EIF2AK2: variants seen among roughly 807,000 people sequenced by gnomAD.
EIF2AK2 encodes interferon-induced, double-stranded RNA-activated protein kinase.
A neutral mutation model predicts 70.5 loss-of-function variants in EIF2AK2; 40 were observed. That is an observed-to-expected ratio of 0.57 (90% CI 0.44 to 0.74). The LOEUF is 0.74. Among genes scored for constraint, EIF2AK2 ranks in the 30% least tolerant of loss-of-function variants. The pLI is 0.00. For missense variants in EIF2AK2, 555 were observed against 644.3 expected (o/e 0.86, Z 1.50); for synonymous variants, 198 against 220.9 (o/e 0.90, Z 0.92).
intron 13 of EIF2AK2, among the ~76,000 whole-genome samples, chr2:37,118,926 C>T (rs904934717): frequency 4.6e-5 from 7 of 152,192 alleles, no homozygotes; most frequent in Non-Finnish European, 8.8e-5. Context: ...AAATAAGGTA[C>T]TTCTGCCTAG....
intron 15 of EIF2AK2, 47 bp from the exon 16 acceptor site, chr2:37,107,574 G>C (rs182855570): frequency 2.0e-5 from 31 of 1,568,458 alleles, no homozygotes; most frequent in Non-Finnish European, 2.6e-5. Context: ...ATTTACTTGG[G>C]AGGAAAGACA....
Position 37,138,291 on chromosome 2 carries a change from T to G in EIF2AK2, c.666A>C (p.Leu222Phe). 1 of 1,613,760 alleles carries G rather than the reference T, an allele frequency of 6.2e-7. No individual in the cohort carries two copies. The highest frequency in any genetic ancestry group is 1.1e-5 in the South Asian group (1 of 91,040). The change falls in exon 8 of 17, where the codon TTA becomes TTC. Residue 222 changes from leucine to phenylalanine, a missense_variant. This residue lies in a region of EIF2AK2 where 208 missense variants were observed against 191.8 expected (regional missense o/e 1.08). Coordinates refer to ENST00000233057, the MANE Select transcript of EIF2AK2 (RefSeq NM_001135651.3). ...TSEINSNSDS[L>F]NSSSLLMNGL... Reference sequence around the variant, plus strand: ...ATACCATAAGCAACGAAGAACTGTTTAAACTGTCACTGTTAGAATTTATCT... The same window carrying G: ...ATACCATAAGCAACGAAGAACTGTTGAAACTGTCACTGTTAGAATTTATCT...
chr2:37,153,337 C>CTCTT lies in EIF2AK2; in HGVS notation c.-184+3570_-184+3571insAAGA, dbSNP rs777537067. ...CCCAGTCCTTTCAGTCTCTGCTAATCTTTTTTTTTTTTTTTTTTTTTGAGA... is the reference window on the plus strand; with the variant it reads ...CCCAGTCCTTTCAGTCTCTGCTAATCTCTTTTTTTTTTTTTTTTTTTTTTTGAGA... On this transcript the variant is annotated intron_variant, in intron 1 of 16. Transcript: ENST00000233057. Among the ~76,000 whole-genome samples the CTCTT allele has an allele frequency of 3.7e-4, 41 of 109,882 alleles. 1 individual carries two copies. Among genetic ancestry groups the CTCTT allele is most frequent in the African/African-American group, 8.9e-4 (27 of 30,258 alleles). The allele number at this position is 109,882 out of a possible 152,430, so 72.1% of individuals were successfully genotyped here.
intron 12 of EIF2AK2, among the ~76,000 whole-genome samples, chr2:37,120,778 C>A (rs1211291006): frequency 6.7e-6 from 1 of 148,736 alleles, no homozygotes; most frequent in Non-Finnish European, 1.5e-5. Flanking sequence ...GCCTGGGCAG[C>A]ATGGCGAAAC....
intron 1 of EIF2AK2, among the ~76,000 whole-genome samples, 177 bp downstream of exon 1, chr2:37,156,731 G>A (rs1286302188): frequency 6.6e-6 from 1 of 152,168 alleles, no homozygotes; most frequent in Non-Finnish European, 1.5e-5. Context: ...CTGCGGACCT[G>A]GGCCTGCTCT....
rs1304155197 is a variant in EIF2AK2, at chr2:37,136,964, A to C, written c.722+19T>G. On this transcript the variant is annotated intron_variant, in intron 9 of 16. Coordinates refer to ENST00000233057, the MANE Select transcript of EIF2AK2 (RefSeq NM_001135651.3). ...TAAAACTTCAGATCAAAATATGTTC[A>C]ATGCATAATGATACTCACCTTTTTG... 1 of 1,594,880 alleles carries C rather than the reference A, an allele frequency of 6.3e-7. No homozygotes were observed. The highest frequency in any genetic ancestry group is 8.5e-7 in the Non-Finnish European group (1 of 1,172,802).
intron 4 of EIF2AK2, among the ~76,000 whole-genome samples, chr2:37,146,081 G>A (rs536343872): frequency 3.0e-4 from 46 of 152,024 alleles, no homozygotes; most frequent in Non-Finnish European, 4.9e-4. Flanking sequence ...TATTTTTACC[G>A]TACTTTTTCT....
rs374454967 is a variant in EIF2AK2 at position 37,137,020 on chromosome 2, A to G, written c.688-3T>C. On this transcript the variant is annotated splice_polypyrimidine_tract_variant and splice_region_variant and intron_variant, in intron 8 of 16. Transcript: ENST00000233057. Reference sequence around the variant, plus strand: ...CTTTGATTATTTCTGAGACCATTCTATAACAAAAGAAAATGAGAAATAGTT... The same window carrying G: ...CTTTGATTATTTCTGAGACCATTCTGTAACAAAAGAAAATGAGAAATAGTT... 6.9e-6 allele frequency: 11 copies of G among 1,601,514 alleles called. No individual in the cohort carries two copies. In the Admixed American group the frequency reaches 7.0e-5, roughly 10 times the overall value.
intron 4 of EIF2AK2, among the ~76,000 whole-genome samples, chr2:37,144,421 C>A (rs1279769537): frequency 6.6e-6 from 1 of 150,808 alleles, no homozygotes; most frequent in Non-Finnish European, 1.5e-5. Flanking sequence ...GTAGGTAATC[C>A]AAAAGAAGGA....
At chr2:37,132,543 C>G (rs777124963) in intron 10 of EIF2AK2, among the ~76,000 whole-genome samples, 3 of 151,938 alleles carry the variant, frequency 2.0e-5, no homozygotes, top group Non-Finnish European at 4.4e-5. Flanking sequence ...GAGCTGAGAT[C>G]GTGCCACTGC....
chr2:37,111,878 A>AATAT (rs869140054), intron 14 of EIF2AK2, among the ~76,000 whole-genome samples: 31 of 69,130 alleles, frequency 4.5e-4, no homozygotes, highest in East Asian at 4.1e-3. Flanking sequence ...AAAAAAAAAA[A>AATAT]ATATATATAT....
At chr2:37,147,006 T>C (rs1314006750) in intron 3 of EIF2AK2, 33 bp from the exon 4 acceptor site, 7 of 1,590,064 alleles carry the variant, frequency 4.4e-6, no homozygotes, top group Non-Finnish European at 6.0e-6. Flanking sequence ...TAAAATATTA[T>C]ACAACTCATG....
rs1432509302 is a variant in EIF2AK2 at position 37,148,897 on chromosome 2, G to A, written c.-57C>T. On this transcript the variant is annotated 5_prime_UTR_variant, in exon 2 of 17. Coordinates refer to ENST00000233057, the MANE Select transcript of EIF2AK2 (RefSeq NM_001135651.3). ...GTCCAAAATGCACGCAGATAATCAC[G>A]GAAGTGTGGATGTTGATTCTGAAGA... The A allele has an allele frequency of 1.1e-5, 9 of 828,094 alleles. No homozygotes were observed. The highest frequency in any genetic ancestry group is 4.0e-5 in the South Asian group (3 of 74,910). The allele number at this position is 828,094 out of a possible 1,614,324, so 51.3% of individuals were successfully genotyped here.
chr2:37,149,594 G>C (rs1675673522), intron 1 of EIF2AK2, among the ~76,000 whole-genome samples: 1 of 152,044 alleles, frequency 6.6e-6, no homozygotes, highest in Non-Finnish European at 1.5e-5. Context: ...CCTAGATTTA[G>C]TTTAAATACC....
intron 14 of EIF2AK2, among the ~76,000 whole-genome samples, chr2:37,111,861 C>CAA (rs1196685884): frequency 1.3e-3 from 42 of 32,076 alleles, no homozygotes; most frequent in African/African-American, 2.1e-3. Context: ...GACCCTGTCT[C>CAA]AAAAAAAAAA....
At chr2:37,128,542 G>A (rs763183590) in intron 10 of EIF2AK2, among the ~76,000 whole-genome samples, 9 of 152,072 alleles carry the variant, frequency 5.9e-5, no homozygotes, top group African/African-American at 1.2e-4. Context: ...ATCGTGCGCC[G>A]GATAGTGCAA....
At chr2:37,150,177 C>T (rs1675694479) in intron 1 of EIF2AK2, among the ~76,000 whole-genome samples, 2 of 148,556 alleles carry the variant, frequency 1.3e-5, no homozygotes, top group South Asian at 4.2e-4. Flanking sequence ...CACTAAAGAG[C>T]ATTTAATGTG....
intron 12 of EIF2AK2, among the ~76,000 whole-genome samples, chr2:37,121,407 A>C (rs958082137): frequency 4.6e-5 from 7 of 152,070 alleles, no homozygotes; most frequent in Non-Finnish European, 1.0e-4. Context: ...TTATTATATA[A>C]AGTAACTTTG....
At chr2:37,123,900 T>C (rs1573011799) in intron 11 of EIF2AK2, among the ~76,000 whole-genome samples, 1 of 152,276 alleles carries the variant, frequency 6.6e-6, no homozygotes, top group East Asian at 1.9e-4. Context: ...TTTTAAAGTA[T>C]ATGACACAAA....
Sources: allele counts gnomAD v4.1 joint callset (sites outside exome capture counted in the v4.1 genomes callset), GRCh38; gene constraint gnomAD v4.1.1; regional missense constraint gnomAD v4.1.1; transcripts MANE v1.5; gene names NCBI Gene and HGNC (gene_info 2026-07-23, HGNC 2026-07-21).